SLAIN1: variants seen among roughly 807,000 people sequenced by gnomAD.
The protein encoded by SLAIN1 is SLAIN family member 1, also known as SLAIN motif-containing protein 1.
A neutral mutation model predicts 55.4 loss-of-function variants in SLAIN1; 17 were observed. The observed-to-expected ratio is 0.31, with a 90% confidence interval of 0.21 to 0.46. The LOEUF (loss-of-function observed/expected upper bound fraction) is 0.46, where lower values mean the gene tolerates loss of function less well. SLAIN1 is among the 20% of genes least tolerant of loss of function. The probability of loss-of-function intolerance (pLI) is 1.00; values close to 1 mark genes in which losing one functional copy is unlikely to be tolerated. For synonymous variants in SLAIN1, 348 were observed against 337.4 expected (o/e 1.03, Z -0.35); for missense variants, 682 against 785.1 (o/e 0.87, Z 1.57).
intron 1 of SLAIN1, among the ~76,000 whole-genome samples, chr13:77,717,537 C>T (rs1007174648): frequency 1.3e-5 from 2 of 151,930 alleles, no homozygotes; most frequent in African/African-American, 4.8e-5. Flanking sequence ...GTTTAAGGTG[C>T]GTTTCCTGTA....
chr13:77,742,377 C>G (rs913960945), intron 2 of SLAIN1, among the ~76,000 whole-genome samples: 4 of 151,922 alleles, frequency 2.6e-5, no homozygotes, highest in African/African-American at 4.8e-5. Context: ...CCAATAGTCT[C>G]TGTACCGGAT....
rs182600131 is a variant in SLAIN1 at position 77,711,322 on chromosome 13, C to T, written c.627-8210C>T. ...GAAAAGACCAACAAAATAGATAGAC[C>T]GCTAGCCAGACTATTAAAGAAGAAA... On this transcript the variant is annotated intron_variant, in intron 1 of 6. Transcript: ENST00000418532. 1.3e-4 allele frequency among the ~76,000 whole-genome samples: 20 copies of T among 152,074 alleles called. No individual in the cohort carries two copies. In the East Asian group the frequency reaches 1.5e-3, roughly 12 times the overall value.
rs1214457056 is a variant in SLAIN1, at chr13:77,703,365, C to T, written c.626+4826C>T. The stretch of plus-strand genomic sequence containing the variant: ...AAGCTGTTGAACACCTTGTGCTATA[C>T]ATATGGCACAACTAAATTAGACCAC... On this transcript the variant is annotated intron_variant, in intron 1 of 6. Transcript: ENST00000418532. 2.6e-5 allele frequency among the ~76,000 whole-genome samples: 4 copies of T among 152,122 alleles called. 1 individual carries two copies. The highest frequency in any genetic ancestry group is 4.1e-4 in the South Asian group (2 of 4,824).
At chr13:77,753,881 A>G (rs1018276649) in intron 5 of SLAIN1, among the ~76,000 whole-genome samples, 6 of 152,214 alleles carry the variant, frequency 3.9e-5, no homozygotes, top group African/African-American at 1.4e-4. Context: ...TGTCTAAAGT[A>G]GTTTTTGTCC....
At position 77,753,278 on chromosome 13, in the gene SLAIN1, C is replaced by T. The variant is rs760947286; in HGVS notation, c.1334C>T (p.Pro445Leu). ...GCCATTAGTAGCAACATTAGTTCTC[C>T]GGTCACCGTGCGAAATAGTCAGAGT... is the stretch of plus-strand genomic sequence containing the variant. ...TTAISSNISSPVTVRNSQSFD... is the reference protein window; with the variant it reads ...TTAISSNISSLVTVRNSQSFD... Residue 445 changes from proline (P) to leucine (L), a missense_variant, in exon 5 of 7, where the codon CCG (proline) becomes CTG (leucine). Physicochemically the swap from Pro to Leu is moderately conservative, Grantham distance 98. Transcript: ENST00000418532. 41 of 1,612,846 alleles carry T rather than the reference C, an allele frequency of 2.5e-5. No homozygotes were observed. The highest frequency in any genetic ancestry group is 4.5e-5 in the East Asian group (2 of 44,848).
intron 2 of SLAIN1, among the ~76,000 whole-genome samples, chr13:77,719,985 G>T (rs2091246281): frequency 6.6e-6 from 1 of 151,826 alleles, no homozygotes; most frequent in South Asian, 2.1e-4. Context: ...CAGTGCTCTG[G>T]GGTCAGTAAC....
At chr13:77,759,042 A>G (rs1377522565) in intron 5 of SLAIN1, among the ~76,000 whole-genome samples, 1 of 152,128 alleles carries the variant, frequency 6.6e-6, no homozygotes, top group East Asian at 1.9e-4. Context: ...TCATTTTCAC[A>G]GTATTGATTC....
intron 2 of SLAIN1, among the ~76,000 whole-genome samples, chr13:77,740,858 G>A (rs1873390057): frequency 6.6e-6 from 1 of 151,924 alleles, no homozygotes; most frequent in Non-Finnish European, 1.5e-5. Flanking sequence ...TTCCACTCCT[G>A]TCCTCCTCCT....
intron 1 of SLAIN1, among the ~76,000 whole-genome samples, chr13:77,715,968 T>C (rs1198721763): frequency 6.6e-6 from 1 of 152,178 alleles, no homozygotes. Flanking sequence ...TTCAGTCTTA[T>C]AAATTGTATC....
intron 1 of SLAIN1, among the ~76,000 whole-genome samples, chr13:77,707,498 A>G (rs1034158317): frequency 5.9e-5 from 9 of 152,076 alleles, no homozygotes; most frequent in Non-Finnish European, 1.2e-4. Flanking sequence ...TGTTTCATGT[A>G]AAAGGAATAT....
chr13:77,721,698 G>T (rs1482307045), intron 2 of SLAIN1, among the ~76,000 whole-genome samples: 1 of 151,630 alleles, frequency 6.6e-6, no homozygotes, highest in South Asian at 2.1e-4. Flanking sequence ...AATGATCAAT[G>T]CAGAAATTAA....
At chr13:77,732,018 G>A (rs180996876) in intron 2 of SLAIN1, among the ~76,000 whole-genome samples, 337 of 152,172 alleles carry the variant, frequency 2.2e-3, no homozygotes, top group Middle Eastern at 6.8e-3. Context: ...AATCATGAAT[G>A]GGTTAGTTTT....
Position 77,703,315 on chromosome 13 carries a change from T to C in SLAIN1, c.626+4776T>C, listed in dbSNP as rs186602150. Among the ~76,000 whole-genome samples the C allele has an allele frequency of 9.2e-5, 14 of 152,272 alleles. No homozygotes were observed. In the East Asian group the frequency reaches 2.7e-3, roughly 29 times the overall value. On this transcript the variant is annotated intron_variant, in intron 1 of 6. Transcript: ENST00000418532. The stretch of plus-strand genomic sequence containing the variant: ...AATACCAAGACCCCAGACAGCTGGC[T>C]AACATCATTGCCAATTTTTCATCAA...
At chr13:77,757,449 T>C (rs1460535916) in intron 5 of SLAIN1, among the ~76,000 whole-genome samples, 3 of 152,088 alleles carry the variant, frequency 2.0e-5, no homozygotes, top group Non-Finnish European at 4.4e-5. Flanking sequence ...TTTTTCTTAT[T>C]TCAATAGTTT....
At chr13:77,712,518 C>T (rs749502696) in intron 1 of SLAIN1, among the ~76,000 whole-genome samples, 8 of 152,042 alleles carry the variant, frequency 5.3e-5, no homozygotes, top group South Asian at 2.1e-4. Flanking sequence ...ATGTGAAGGA[C>T]GTTTTCAAGT....
chr13:77,712,822 A>G (rs2091166437), intron 1 of SLAIN1, among the ~76,000 whole-genome samples: 3 of 152,244 alleles, frequency 2.0e-5, no homozygotes, highest in South Asian at 2.1e-4. Flanking sequence ...CTACAAAGCT[A>G]CTGTAACCAA....
chr13:77,759,455 C>T (rs1874845263), intron 5 of SLAIN1, among the ~76,000 whole-genome samples: 1 of 152,126 alleles, frequency 6.6e-6, no homozygotes, highest in Non-Finnish European at 1.5e-5. Context: ...CTGGCTAGGA[C>T]TTCCTGTGTT....
intron 1 of SLAIN1, among the ~76,000 whole-genome samples, chr13:77,716,954 C>T (rs938375971): frequency 6.6e-6 from 1 of 152,130 alleles, no homozygotes; most frequent in Non-Finnish European, 1.5e-5. Flanking sequence ...ATATCACAGG[C>T]AAAGCATTCA....
chr13:77,741,314 T>A, intron 2 of SLAIN1: 1 of 987,454 alleles, frequency 1.0e-6, no homozygotes, highest in Non-Finnish European at 1.2e-6. Context: ...AGCTACCTAG[T>A]GTGTGTTGCA....
Sources: gnomAD v4.1 joint callset for allele counts (sites outside exome capture counted in the v4.1 genomes callset) on GRCh38, gnomAD v4.1.1 for gene constraint, MANE v1.5 for transcripts, NCBI Gene and HGNC (gene_info 2026-07-23, HGNC 2026-07-21) for gene names.